The following CCSER2 variants were observed in gnomAD, a reference collection of about 807,000 sequenced individuals.
CCSER2 encodes the protein serine-rich coiled-coil domain-containing protein 2.
Under a neutral mutation model 92.3 loss-of-function variants are expected in CCSER2, and 46 were observed. The observed-to-expected ratio is 0.50, with a 90% CI of 0.39 to 0.64. The LOEUF (loss-of-function observed/expected upper bound fraction) is 0.64, where lower values mean the gene tolerates loss of function less well. Ranked by LOEUF, CCSER2 falls within the 30% of genes least tolerant of loss-of-function variation. The probability of loss-of-function intolerance (pLI) is 0.00; values close to 1 mark genes in which losing one functional copy is unlikely to be tolerated. For missense variants in CCSER2, 1,244 were observed against 1,238.9 expected (o/e 1.00, Z -0.06); for synonymous variants, 433 against 431.4 (o/e 1.00, Z -0.04).
chr10:84,358,936 G>T (rs1564595762), intron 1 of CCSER2, among the ~76,000 whole-genome samples: 1 of 152,078 alleles, frequency 6.6e-6, no homozygotes, highest in Non-Finnish European at 1.5e-5. Flanking sequence ...ATGTACAGAA[G>T]CTTATGAGTT....
In CCSER2 at chr10:84,425,856, G is replaced by A. The variant is rs763526687; in HGVS notation, c.1831G>A (p.Asp611Asn). The change falls in exon 5 of 10, where the codon GAC becomes AAC. Residue 611 changes from aspartate to asparagine, a missense_variant. Asp to Asn is a conservative substitution (Grantham distance 23). Transcript: ENST00000372088. ...GQEHYHLSHP[D>N]HYHHHGKSDL... Reference sequence around the variant, plus strand: ...GGAGCATTACCACCTCAGCCACCCTGACCACTATCATCACCATGGAAAAAG... The same window carrying A: ...GGAGCATTACCACCTCAGCCACCCTAACCACTATCATCACCATGGAAAAAG... 2 of 1,611,642 alleles carry A rather than the reference G, an allele frequency of 1.2e-6. No homozygotes were observed. Among genetic ancestry groups the A allele is most frequent in the South Asian group, 2.2e-5 (2 of 90,696 alleles).
chr10:84,500,660 T>C (rs1024233571), intron 9 of CCSER2, among the ~76,000 whole-genome samples: 3 of 152,232 alleles, frequency 2.0e-5, no homozygotes, highest in Non-Finnish European at 2.9e-5. Flanking sequence ...TGTACTTAAG[T>C]ATGCCTGGTA....
At chr10:84,495,713 G>T (rs765850865) in intron 9 of CCSER2, among the ~76,000 whole-genome samples, 1 of 149,342 alleles carries the variant, frequency 6.7e-6, no homozygotes, top group Non-Finnish European at 1.5e-5. Flanking sequence ...CTTTCTATAT[G>T]TGGGTATTCT....
intron 3 of CCSER2, among the ~76,000 whole-genome samples, chr10:84,383,869 A>G (rs1195991970): frequency 1.3e-5 from 2 of 152,232 alleles, no homozygotes; most frequent in Admixed American, 1.3e-4. Flanking sequence ...CTTTGTAAGG[A>G]TAAACAAAAT....
At chr10:84,426,842 G>GT (rs1404527470) in intron 5 of CCSER2, among the ~76,000 whole-genome samples, 2 of 152,090 alleles carry the variant, frequency 1.3e-5, no homozygotes, top group Non-Finnish European at 2.9e-5. Flanking sequence ...TAAAGGATGT[G>GT]TTTTTTTCCT....
intron 5 of CCSER2, among the ~76,000 whole-genome samples, chr10:84,428,331 C>T (rs749147980): frequency 2.0e-5 from 3 of 152,154 alleles, no homozygotes; most frequent in Admixed American, 1.3e-4. Flanking sequence ...CCCTTGCATG[C>T]GCAGCTCACG....
intron 9 of CCSER2, among the ~76,000 whole-genome samples, chr10:84,494,121 A>T (rs9664967): frequency 6.6e-6 from 1 of 152,190 alleles, no homozygotes; most frequent in Admixed American, 6.5e-5. Context: ...CTTCAACTCA[A>T]CTGGCCTGCT....
At chr10:84,361,084 C>T (rs987685773) in intron 1 of CCSER2, among the ~76,000 whole-genome samples, 1 of 152,094 alleles carries the variant, frequency 6.6e-6, no homozygotes, top group Non-Finnish European at 1.5e-5. Flanking sequence ...TGTGTTTGTT[C>T]CAGTGCAGGC....
intron 9 of CCSER2, among the ~76,000 whole-genome samples, chr10:84,482,142 A>C (rs1427578548): frequency 6.6e-6 from 1 of 152,156 alleles, no homozygotes; most frequent in African/African-American, 2.4e-5. Flanking sequence ...AATGAAGGAA[A>C]ATAAAAAACA....
chr10:84,418,807 C>A (rs534393384), intron 4 of CCSER2, among the ~76,000 whole-genome samples: 2 of 152,066 alleles, frequency 1.3e-5, no homozygotes, highest in Non-Finnish European at 2.9e-5. Flanking sequence ...CAGTTGCTTT[C>A]AAAATAAACG....
intron 3 of CCSER2, among the ~76,000 whole-genome samples, chr10:84,409,196 G>A (rs1000930273): frequency 2.5e-4 from 38 of 151,948 alleles, no homozygotes; most frequent in African/African-American, 8.5e-4. Context: ...TCACCATGTT[G>A]GCCAGGGTGG....
intron 6 of CCSER2, among the ~76,000 whole-genome samples, chr10:84,457,458 TATATA>T (rs950950618): frequency 5.4e-5 from 6 of 110,852 alleles, no homozygotes; most frequent in South Asian, 2.4e-4. Context: ...TATTATAAAA[TATATA>T]ATATATATAT....
chr10:84,471,947 A>C (rs1334551007), intron 8 of CCSER2, among the ~76,000 whole-genome samples: 5 of 152,136 alleles, frequency 3.3e-5, no homozygotes, highest in Non-Finnish European at 7.4e-5. Flanking sequence ...TCTACAAATG[A>C]ATATTCAACA....
intron 6 of CCSER2, among the ~76,000 whole-genome samples, chr10:84,457,350 A>AAT (rs1331589619): frequency 1.5e-5 from 1 of 66,312 alleles, no homozygotes; most frequent in Non-Finnish European, 3.0e-5. Flanking sequence ...TATTATATAT[A>AAT]ATATATATAT....
At chr10:84,406,068 G>T (rs1842360400) in intron 3 of CCSER2, among the ~76,000 whole-genome samples, 1 of 152,182 alleles carries the variant, frequency 6.6e-6, no homozygotes, top group Non-Finnish European at 1.5e-5. Context: ...TAGTAAACTG[G>T]TACACAAACT....
intron 3 of CCSER2, chr10:84,391,617 C>G: frequency 6.5e-7 from 1 of 1,531,076 alleles, no homozygotes; most frequent in South Asian, 1.1e-5. Context: ...CCTTATATTC[C>G]TATGGTGTTG....
chr10:84,418,609 G>GCTTTTTATCC (rs1842989201), intron 4 of CCSER2, among the ~76,000 whole-genome samples: 1 of 152,192 alleles, frequency 6.6e-6, no homozygotes, highest in Non-Finnish European at 1.5e-5. Flanking sequence ...TGAAAATGGT[G>GCTTTTTATCC]AGTGGGATCC....
intron 1 of CCSER2, among the ~76,000 whole-genome samples, chr10:84,360,192 T>A (rs900666550): frequency 6.6e-6 from 1 of 152,058 alleles, no homozygotes; most frequent in Non-Finnish European, 1.5e-5. Context: ...AATTAATCCC[T>A]GGTGTTATTT....
intron 9 of CCSER2, among the ~76,000 whole-genome samples, chr10:84,507,546 G>A (rs147510775): frequency 9.2e-5 from 14 of 152,198 alleles, no homozygotes; most frequent in Admixed American, 6.5e-5. Flanking sequence ...GCTAAATTCT[G>A]TGTCTGTTAT....
Sources: gnomAD v4.1 joint callset for allele counts (sites outside exome capture counted in the v4.1 genomes callset) on GRCh38, gnomAD v4.1.1 for gene constraint, MANE v1.5 for transcripts, NCBI Gene and HGNC (gene_info 2026-07-23, HGNC 2026-07-21) for gene names.